Variants in CTNND2 observed in about 807,000 individuals in gnomAD.
CTNND2 encodes catenin delta 2.
CTNND2 carries 22 observed loss-of-function variants against 144.4 expected under a neutral mutation model. That is an observed-to-expected ratio of 0.15 (90% CI 0.11 to 0.22). The LOEUF (loss-of-function observed/expected upper bound fraction) is 0.22, where lower values mean the gene tolerates loss of function less well. Ranked by LOEUF, CTNND2 falls within the 10% of genes least tolerant of loss-of-function variation. The pLI, the probability that CTNND2 is intolerant of heterozygous loss-of-function variation, is 1.00. For missense variants in CTNND2, 1,353 were observed against 1,618.8 expected, an observed-to-expected ratio of 0.84 and a Z score of 2.82; for synonymous variants, 751 against 695.6, an observed-to-expected ratio of 1.08 and a Z score of -1.25.
intron 7 of CTNND2, among the ~76,000 whole-genome samples, chr5:11,367,684 T>C (rs1581030406): frequency 6.6e-6 from 1 of 152,200 alleles, no homozygotes; most frequent in Admixed American, 6.5e-5. Context: ...TAAAATGTTA[T>C]AGATGTCAAG....
intron 3 of CTNND2, among the ~76,000 whole-genome samples, chr5:11,523,126 T>C (rs188232786): frequency 3.3e-5 from 5 of 152,320 alleles, no homozygotes; most frequent in Admixed American, 2.0e-4. Context: ...CCACATATAC[T>C]AGCTATGCTG....
At chr5:11,890,014 AAAAT>A (rs1271365924) in intron 1 of CTNND2, among the ~76,000 whole-genome samples, 1 of 152,208 alleles carries the variant, frequency 6.6e-6, no homozygotes, top group African/African-American at 2.4e-5. Flanking sequence ...TCACTTTGAG[AAAAT>A]AAATCTACTT....
At chr5:11,566,747 T>C (rs751991971) in intron 2 of CTNND2, among the ~76,000 whole-genome samples, 25 of 152,230 alleles carry the variant, frequency 1.6e-4, no homozygotes, top group South Asian at 1.0e-3. Context: ...ATGTTGCTCT[T>C]GGTCATCCCC....
intron 15 of CTNND2, among the ~76,000 whole-genome samples, chr5:11,091,002 T>G (rs1348043445): frequency 2.0e-5 from 3 of 152,168 alleles, no homozygotes; most frequent in African/African-American, 7.2e-5. Flanking sequence ...TTCATGTTCC[T>G]TGTGCTTGAG....
chr5:10,981,734 C>G, intron 21 of CTNND2, 39 bp downstream of exon 21: 1 of 1,540,484 alleles, frequency 6.5e-7, no homozygotes, highest in Non-Finnish European at 8.9e-7. Flanking sequence ...ACATGAGTCA[C>G]ACTGAAAAGG....
At chr5:11,001,624 A>T (rs1328564046) in intron 18 of CTNND2, among the ~76,000 whole-genome samples, 1 of 152,250 alleles carries the variant, frequency 6.6e-6, no homozygotes, top group Non-Finnish European at 1.5e-5. Flanking sequence ...AAATAAATAC[A>T]TTCAGAGCCT....
At chr5:10,990,455 C>T (rs990373525) in intron 19 of CTNND2, among the ~76,000 whole-genome samples, 1 of 152,160 alleles carries the variant, frequency 6.6e-6, no homozygotes, top group Non-Finnish European at 1.5e-5. Context: ...CCTGCTGCCC[C>T]CTTCTCTTTG....
intron 3 of CTNND2, among the ~76,000 whole-genome samples, chr5:11,545,786 C>CACAT (rs1775187480): frequency 6.6e-6 from 1 of 151,878 alleles, no homozygotes; most frequent in Non-Finnish European, 1.5e-5. Context: ...CATGTGTGTC[C>CACAT]ACATATAAAC....
chr5:11,113,880 G>C lies in CTNND2; in HGVS notation c.2278-2837C>G, dbSNP rs1020753882. 2.0e-5 allele frequency among the ~76,000 whole-genome samples: 3 copies of C among 152,200 alleles called. No individual in the cohort carries two copies. In the South Asian group the frequency reaches 6.2e-4, roughly 32 times the overall value. ...TCTGGTGAAAGGTAGCAGGTGCCCT[G>C]TACTTATTACCGAGGGCATGAAAAC... On this transcript the variant is annotated intron_variant, in intron 13 of 21. Coordinates refer to ENST00000304623, the MANE Select transcript of CTNND2 (RefSeq NM_001332.4).
intron 3 of CTNND2, among the ~76,000 whole-genome samples, chr5:11,420,307 T>C (rs1199185848): frequency 6.6e-6 from 1 of 152,062 alleles, no homozygotes; most frequent in African/African-American, 2.4e-5. Context: ...CGGGCGACAG[T>C]GCAAGACTTC....
At chr5:11,736,831 G>A (rs1041959889) in intron 1 of CTNND2, among the ~76,000 whole-genome samples, 26 of 152,050 alleles carry the variant, frequency 1.7e-4, no homozygotes, top group Admixed American at 1.4e-3. Flanking sequence ...GGATTTTGGT[G>A]ATTTATTATT....
chr5:11,103,917 G>A (rs544577204), intron 14 of CTNND2, among the ~76,000 whole-genome samples: 1 of 152,236 alleles, frequency 6.6e-6, no homozygotes, highest in South Asian at 2.1e-4. Flanking sequence ...GCTGGGTACT[G>A]AGGAGACACC....
At chr5:11,213,818 C>CATAT (rs60072994) in intron 10 of CTNND2, among the ~76,000 whole-genome samples, 1 of 150,256 alleles carries the variant, frequency 6.7e-6, no homozygotes, top group African/African-American at 2.4e-5. Context: ...TTTATATGCA[C>CATAT]ATATATATAT....
intron 1 of CTNND2, among the ~76,000 whole-genome samples, chr5:11,806,899 T>C (rs573931952): frequency 1.3e-5 from 2 of 152,278 alleles, no homozygotes; most frequent in African/African-American, 2.4e-5. Context: ...GGGTTGAGGA[T>C]AGACAGTGCA....
intron 9 of CTNND2, among the ~76,000 whole-genome samples, chr5:11,299,556 A>G (rs1450804008): frequency 6.6e-6 from 1 of 152,064 alleles, no homozygotes; most frequent in East Asian, 1.9e-4. Context: ...GGGTGTTTCT[A>G]TTCTATCGCT....
chr5:11,374,477 C>T (rs1303115455), intron 7 of CTNND2, among the ~76,000 whole-genome samples: 1 of 152,140 alleles, frequency 6.6e-6, no homozygotes, highest in Non-Finnish European at 1.5e-5. Flanking sequence ...GTCTTCACCA[C>T]CACAATCTTC....
At chr5:11,214,109 T>G (rs1442134115) in intron 10 of CTNND2, among the ~76,000 whole-genome samples, 1 of 152,214 alleles carries the variant, frequency 6.6e-6, no homozygotes, top group Non-Finnish European at 1.5e-5. Flanking sequence ...AGGCTGTTAT[T>G]TCTTTAATAA....
chr5:11,638,142 T>C (rs1781809285), intron 2 of CTNND2, among the ~76,000 whole-genome samples: 1 of 152,188 alleles, frequency 6.6e-6, no homozygotes, highest in Non-Finnish European at 1.5e-5. Context: ...GCTGCCCCTC[T>C]GGGTAATTAA....
intron 1 of CTNND2, among the ~76,000 whole-genome samples, chr5:11,803,830 T>G (rs550541539): frequency 2.0e-5 from 3 of 152,342 alleles, no homozygotes; most frequent in African/African-American, 7.2e-5. Context: ...ATATCTGGTC[T>G]GCAATATTGC....
Sources: gnomAD v4.1 joint callset for allele counts (sites outside exome capture counted in the v4.1 genomes callset) on GRCh38, gnomAD v4.1.1 for gene constraint, MANE v1.5 for transcripts, NCBI Gene and HGNC (gene_info 2026-07-23, HGNC 2026-07-21) for gene names.